DPP10: variants seen among roughly 807,000 people sequenced by gnomAD.
DPP10 encodes inactive dipeptidyl peptidase 10.
A neutral mutation model predicts 120.9 loss-of-function variants in DPP10; 33 were observed. That is an observed-to-expected ratio of 0.27 (90% confidence interval 0.21 to 0.37). DPP10 has a LOEUF of 0.37. Among genes scored for constraint, DPP10 ranks in the 10% least tolerant of loss-of-function variants. The pLI is 1.00. For synonymous variants in DPP10, 337 were observed against 326.1 expected (o/e 1.03, Z -0.36); for missense variants, 816 against 942.8 (o/e 0.87, Z 1.76).
intron 1 of DPP10, among the ~76,000 whole-genome samples, chr2:114,547,903 G>C (rs1687549457): frequency 6.6e-6 from 1 of 152,150 alleles, no homozygotes; most frequent in Admixed American, 6.5e-5. Context: ...AGCAGGGGTG[G>C]GCTGGTGATT....
chr2:115,835,151 G>A (rs1040760038), intron 21 of DPP10, among the ~76,000 whole-genome samples: 2 of 150,966 alleles, frequency 1.3e-5, no homozygotes, highest in Non-Finnish European at 1.5e-5. Flanking sequence ...AAAAAAGCAA[G>A]AGAAAAACAA....
chr2:115,227,136 T>C (rs1477615249), intron 1 of DPP10, among the ~76,000 whole-genome samples: 2 of 152,152 alleles, frequency 1.3e-5, no homozygotes, highest in Non-Finnish European at 2.9e-5. Context: ...GTGGGACCAA[T>C]CTTCTCAAGA....
chr2:114,718,096 A>AC (rs1173555180), intron 1 of DPP10, among the ~76,000 whole-genome samples: 19 of 152,002 alleles, frequency 1.2e-4, no homozygotes, highest in African/African-American at 4.3e-4. Context: ...CAAAAAAAAA[A>AC]CAGGGACTCC....
intron 3 of DPP10, among the ~76,000 whole-genome samples, chr2:115,379,078 G>A (rs2066060460): frequency 6.6e-6 from 1 of 152,160 alleles, no homozygotes; most frequent in South Asian, 2.1e-4. Context: ...AAATGAGTTA[G>A]GGAGGATTCC....
At chr2:114,832,768 G>A (rs552137772) in intron 1 of DPP10, among the ~76,000 whole-genome samples, 49 of 152,150 alleles carry the variant, frequency 3.2e-4, no homozygotes, top group African/African-American at 1.1e-3. Flanking sequence ...TAAACAGATA[G>A]TAATATAAAG....
chr2:115,454,567 G>A (rs2073372909), intron 3 of DPP10, among the ~76,000 whole-genome samples: 1 of 151,562 alleles, frequency 6.6e-6, no homozygotes. Context: ...TAATAAAAGG[G>A]AATATCTTTA....
intron 3 of DPP10, among the ~76,000 whole-genome samples, chr2:115,392,960 T>G (rs1269085495): frequency 2.0e-5 from 3 of 152,198 alleles, no homozygotes; most frequent in Non-Finnish European, 4.4e-5. Flanking sequence ...TTGTTATGAT[T>G]TGCATATTTA....
rs1174523810 is a variant in DPP10 at position 115,059,588 on chromosome 2, A to G, written c.61-249651A>G. On this transcript the variant is annotated intron_variant, in intron 1 of 25. Transcript: ENST00000410059. Reference sequence around the variant, plus strand: ...ATGGACATCTGACCTATTCAGAGCCATTCAGAATTAACCTCAGTTTTTATT... The same window carrying G: ...ATGGACATCTGACCTATTCAGAGCCGTTCAGAATTAACCTCAGTTTTTATT... Among the ~76,000 whole-genome samples the G allele has an allele frequency of 2.6e-5, 4 of 151,076 alleles. No individual in the cohort carries two copies. In the South Asian group the frequency reaches 8.4e-4, roughly 32 times the overall value.
intron 5 of DPP10, among the ~76,000 whole-genome samples, chr2:115,653,713 A>T (rs2088018594): frequency 6.6e-6 from 1 of 151,904 alleles, no homozygotes; most frequent in South Asian, 2.1e-4. Context: ...TCTTCCCTAG[A>T]AGGCAAGTTG....
intron 8 of DPP10, among the ~76,000 whole-genome samples, chr2:115,731,513 C>T (rs187126136): frequency 9.2e-5 from 14 of 152,130 alleles, no homozygotes; most frequent in Admixed American, 2.0e-4. Context: ...GCAACAGAAG[C>T]GAGACCCTGT....
rs189932353 is a variant in DPP10 at position 115,210,654 on chromosome 2, A to G, written c.61-98585A>G. Among the ~76,000 whole-genome samples, 86 of 152,202 alleles carry G rather than the reference A, an allele frequency of 5.7e-4. No homozygotes were observed. In the East Asian group the frequency reaches 0.016, roughly 28 times the overall value. On this transcript the variant is annotated intron_variant, in intron 1 of 25. Coordinates refer to ENST00000410059, the MANE Select transcript of DPP10 (RefSeq NM_020868.6). The stretch of plus-strand genomic sequence containing the variant: ...CCACCAACAGTGTAAAAGCATTCCT[A>G]TTTCTCCATATCCCCTCCAGCACCT...
intron 1 of DPP10, among the ~76,000 whole-genome samples, chr2:114,541,622 A>T (rs1686962070): frequency 6.6e-6 from 1 of 152,234 alleles, no homozygotes; most frequent in South Asian, 2.1e-4. Flanking sequence ...AATAGAAAAA[A>T]AATAAAAGCA....
At chr2:115,103,348 C>A (rs753897759) in intron 1 of DPP10, among the ~76,000 whole-genome samples, 3 of 152,110 alleles carry the variant, frequency 2.0e-5, no homozygotes, top group African/African-American at 7.2e-5. Flanking sequence ...CCACCACGCC[C>A]GGCTAATTTT....
At chr2:115,023,490 A>C (rs1238745885) in intron 1 of DPP10, among the ~76,000 whole-genome samples, 1 of 152,070 alleles carries the variant, frequency 6.6e-6, no homozygotes, top group Admixed American at 6.6e-5. Context: ...AAATCAAAAA[A>C]ATAATAGATG....
chr2:114,745,290 C>T (rs116182791), intron 1 of DPP10, among the ~76,000 whole-genome samples: 2,578 of 152,230 alleles, frequency 0.017, 66 homozygotes, highest in African/African-American at 0.058. Flanking sequence ...GAGGTACCTG[C>T]CTCATGCCAG....
intron 3 of DPP10, among the ~76,000 whole-genome samples, chr2:115,384,651 AG>A (rs2066759117): frequency 6.7e-6 from 1 of 149,846 alleles, no homozygotes; most frequent in Non-Finnish European, 1.5e-5. Flanking sequence ...AGGAAGAAGA[AG>A]AAGGAAGAAG....
At chr2:114,643,881 A>ATG (rs760304812) in intron 1 of DPP10, among the ~76,000 whole-genome samples, 1 of 143,872 alleles carries the variant, frequency 7.0e-6, no homozygotes, top group Admixed American at 6.9e-5. Flanking sequence ...GTGTGTGTGT[A>ATG]TGTGTGTGTG....
At chr2:115,521,887 G>A (rs939548479) in intron 4 of DPP10, among the ~76,000 whole-genome samples, 1 of 152,046 alleles carries the variant, frequency 6.6e-6, no homozygotes, top group African/African-American at 2.4e-5. Context: ...TGACAATAAT[G>A]CATACTTCAT....
At chr2:115,229,031 C>T (rs2057595337) in intron 1 of DPP10, among the ~76,000 whole-genome samples, 1 of 152,110 alleles carries the variant, frequency 6.6e-6, no homozygotes, top group Non-Finnish European at 1.5e-5. Context: ...ATATCCTTGC[C>T]AGCACTTATT....
Sources: gnomAD v4.1 joint callset for allele counts (sites outside exome capture counted in the v4.1 genomes callset) on GRCh38, gnomAD v4.1.1 for gene constraint, MANE v1.5 for transcripts, NCBI Gene and HGNC (gene_info 2026-07-23, HGNC 2026-07-21) for gene names.